Variants in MPHOSPH10 observed in about 807,000 individuals in gnomAD.
MPHOSPH10 encodes U3 small nucleolar ribonucleoprotein MPP10.
A neutral mutation model predicts 77.3 loss-of-function variants in MPHOSPH10; 33 were observed. That is an observed-to-expected ratio of 0.43 (90% CI 0.32 to 0.57). The LOEUF is 0.57. MPHOSPH10 is among the 20% of genes least tolerant of loss of function. The probability of loss-of-function intolerance (pLI) is 0.07; values close to 1 mark genes in which losing one functional copy is unlikely to be tolerated. For synonymous variants in MPHOSPH10, 245 were observed against 268.0 expected (o/e 0.91, Z 0.84); for missense variants, 708 against 780.1 (o/e 0.91, Z 1.10).
chr2:71,149,034 T>C (rs1470552140), intron 9 of MPHOSPH10, 189 bp from the exon 10 acceptor site: 2 of 615,698 alleles, frequency 3.2e-6, no homozygotes, highest in Non-Finnish European at 5.8e-6. Flanking sequence ...TGTCAAAGAA[T>C]GCATTTCAGG....
Position 71,139,783 on chromosome 2 carries a change from T to A in MPHOSPH10, c.1241-12T>A. 6.3e-7 allele frequency: 1 copy of A among 1,592,736 alleles called. No individual in the cohort carries two copies. Among genetic ancestry groups the A allele is most frequent in the Non-Finnish European group, 8.6e-7 (1 of 1,163,336 alleles). On this transcript the variant is annotated splice_polypyrimidine_tract_variant and intron_variant, in intron 5 of 10. Coordinates refer to ENST00000244230, the MANE Select transcript of MPHOSPH10 (RefSeq NM_005791.3). Reference sequence around the variant, plus strand: ...ATATCTACCTAATGAATAAACGTTGTATATCCTTTAGCACCTGTGATTACA... The same window carrying A: ...ATATCTACCTAATGAATAAACGTTGAATATCCTTTAGCACCTGTGATTACA...
chr2:71,132,748 A>G, intron 1 of MPHOSPH10, 150 bp from the exon 2 acceptor site: 1 of 1,042,414 alleles, frequency 9.6e-7, no homozygotes, highest in Non-Finnish European at 1.3e-6. Flanking sequence ...AGTGTAGCTC[A>G]TCAGCTTATA....
At chr2:71,138,391 C>A in intron 4 of MPHOSPH10, 99 bp from the exon 5 acceptor site, 3 of 961,254 alleles carry the variant, frequency 3.1e-6, no homozygotes, top group Non-Finnish European at 4.6e-6. Flanking sequence ...TAGAACAGTA[C>A]GTTTCTTGCT....
At chr2:71,148,319 A>G in intron 9 of MPHOSPH10, 1 of 466,490 alleles carries the variant, frequency 2.1e-6, no homozygotes, top group African/African-American at 1.9e-5. Context: ...TTTGAGAGTT[A>G]CTGTAAGAGC....
intron 5 of MPHOSPH10, 48 bp downstream of exon 5, chr2:71,138,679 T>C (rs1673545943): frequency 6.2e-7 from 1 of 1,609,352 alleles, no homozygotes; most frequent in Non-Finnish European, 8.5e-7. Flanking sequence ...TTTTCCATGG[T>C]TCCATTTCAT....
At chr2:71,131,358 T>C (rs990121490) in intron 1 of MPHOSPH10, among the ~76,000 whole-genome samples, 34 of 152,334 alleles carry the variant, frequency 2.2e-4, no homozygotes, top group African/African-American at 7.0e-4. Flanking sequence ...TGTACAACTT[T>C]TAACGATTTT....
chr2:71,148,821 C>A, intron 9 of MPHOSPH10: 1 of 204,030 alleles, frequency 4.9e-6, no homozygotes, highest in Non-Finnish European at 9.9e-6. Context: ...GTTCCTTGGT[C>A]TCTGCCCTCT....
intron 1 of MPHOSPH10, among the ~76,000 whole-genome samples, chr2:71,131,896 C>T (rs1052941082): frequency 1.3e-5 from 2 of 152,168 alleles, no homozygotes; most frequent in African/African-American, 4.8e-5. Context: ...GACTTCTTGG[C>T]TCCTGCAGGC....
intron 7 of MPHOSPH10, 123 bp downstream of exon 7, chr2:71,141,492 A>G (rs1673611781): frequency 1.3e-6 from 1 of 757,272 alleles, no homozygotes. Flanking sequence ...TCATGTAAGT[A>G]TGAGACAGAG....
intron 1 of MPHOSPH10, among the ~76,000 whole-genome samples, chr2:71,132,547 T>C (rs1256112841): frequency 2.0e-5 from 3 of 152,226 alleles, no homozygotes; most frequent in African/African-American, 7.2e-5. Flanking sequence ...CCTTGACCAC[T>C]GTAGCCAAAG....
At chr2:71,135,496 G>A (rs1238399723) in intron 4 of MPHOSPH10, among the ~76,000 whole-genome samples, 3 of 150,270 alleles carry the variant, frequency 2.0e-5, no homozygotes, top group Admixed American at 6.6e-5. Flanking sequence ...GCAGTGAGCC[G>A]AGATGGTGTC....
At chr2:71,148,900 A>C (rs917928530) in intron 9 of MPHOSPH10, 1 of 328,924 alleles carries the variant, frequency 3.0e-6, no homozygotes, top group African/African-American at 2.2e-5. Context: ...CCTGAAGCCC[A>C]TTGGAATCTA....
chr2:71,133,317 A>T lies in MPHOSPH10; in HGVS notation c.509A>T (p.Asp170Val). 4 of 1,614,162 alleles carry T rather than the reference A, an allele frequency of 2.5e-6. No homozygotes were observed. The highest frequency in any genetic ancestry group is 3.4e-6 in the Non-Finnish European group (4 of 1,180,012). The part of the protein sequence containing the change: ...LRKSPVFSDE[D>V]SDLDFDISKL... ...AAAAGCCCCGTTTTCAGTGATGAGG[A>T]TTCTGACCTTGACTTTGATATCAGC... Residue 170 changes from aspartate (D) to valine (V), a missense_variant, in exon 2 of 11, where the codon GAT (aspartate) becomes GTT (valine). Physicochemically the swap from Asp to Val is radical, Grantham distance 152. Around this residue, in one of 3 missense-constraint regions of MPHOSPH10, gnomAD observed 433 missense variants for 432.6 expected, o/e 1.00. Coordinates refer to ENST00000244230, the MANE Select transcript of MPHOSPH10 (RefSeq NM_005791.3).
chr2:71,133,407 T>C lies in MPHOSPH10; in HGVS notation c.599T>C (p.Val200Ala). 6.2e-7 allele frequency: 1 copy of C among 1,614,078 alleles called. No individual in the cohort carries two copies. Among genetic ancestry groups the C allele is most frequent in the Non-Finnish European group, 8.5e-7 (1 of 1,180,006 alleles). Residue 200 changes from valine (V) to alanine (A), a missense_variant, in exon 2 of 11, where the codon GTA (valine) becomes GCA (alanine). Coordinates refer to ENST00000244230, the MANE Select transcript of MPHOSPH10 (RefSeq NM_005791.3). The stretch of plus-strand genomic sequence containing the variant: ...GGAAAACCAAGAGAAAAGTCCATAG[T>C]AGATGATAAATTCTTCAAACTCTCT... ...GQGKPREKSI[V>A]DDKFFKLSEM...
chr2:71,132,313 A>G (rs1416555381), intron 1 of MPHOSPH10, among the ~76,000 whole-genome samples: 2 of 151,694 alleles, frequency 1.3e-5, no homozygotes, highest in African/African-American at 4.9e-5. Context: ...ACAAATTCTT[A>G]CTCCTGAACC....
intron 4 of MPHOSPH10, 110 bp downstream of exon 4, chr2:71,134,907 C>A: frequency 1.1e-6 from 1 of 880,372 alleles, no homozygotes; most frequent in Non-Finnish European, 1.7e-6. Context: ...TGGCTCACGC[C>A]TGTAATCCTA....
At chr2:71,143,759 T>C (rs1382616024) in intron 7 of MPHOSPH10, among the ~76,000 whole-genome samples, 1 of 152,230 alleles carries the variant, frequency 6.6e-6, no homozygotes. Context: ...TGTTGTGTTT[T>C]CAAGACTGGC....
Position 71,138,521 on chromosome 2 carries a change from AGTT to A in MPHOSPH10, c.1134_1136del (p.Leu379del). On this transcript the variant is annotated inframe_deletion, in exon 5 of 11. Coordinates refer to ENST00000244230, the MANE Select transcript of MPHOSPH10 (RefSeq NM_005791.3). Reference sequence around the variant, plus strand: ...GAAAAAATTGCATCTTTAGAAAAAGAGTTGTTAGAAAAAAAGCCGTGGCAGCTT... The same window carrying A: ...GAAAAAATTGCATCTTTAGAAAAAGAGTTAGAAAAAAAGCCGTGGCAGCTT... 6.3e-7 allele frequency: 1 copy of A among 1,596,530 alleles called. No individual in the cohort carries two copies. The highest frequency in any genetic ancestry group is 8.5e-7 in the Non-Finnish European group (1 of 1,173,058).
At chr2:71,147,323 A>G (rs964514688) in intron 8 of MPHOSPH10, among the ~76,000 whole-genome samples, 13 of 152,204 alleles carry the variant, frequency 8.5e-5, no homozygotes, top group Non-Finnish European at 7.3e-5. Flanking sequence ...GTAGATAGGA[A>G]TAGTTGAGGA....
Sources: gnomAD v4.1 joint callset for allele counts (sites outside exome capture counted in the v4.1 genomes callset) on GRCh38, gnomAD v4.1.1 for gene constraint, gnomAD v4.1.1 regional missense constraint, MANE v1.5 for transcripts, NCBI Gene and HGNC (gene_info 2026-07-23, HGNC 2026-07-21) for gene names.